Variants in DAPK2 observed in about 807,000 individuals in gnomAD.
DAPK2 encodes the protein death-associated protein kinase 2.
DAPK2 carries 35 observed loss-of-function variants against 44.1 expected under a neutral mutation model. The observed-to-expected ratio is 0.79, with a 90% CI of 0.61 to 1.05. The LOEUF (loss-of-function observed/expected upper bound fraction) is 1.05. Ranked by LOEUF, DAPK2 falls within the 50% of genes least tolerant of loss-of-function variation. The pLI is 0.00. For synonymous variants in DAPK2, 174 were observed against 182.6 expected (o/e 0.95, Z 0.38); for missense variants, 453 against 483.2 (o/e 0.94, Z 0.59).
chr15:63,921,566 C>T (rs1482801780), intron 8 of DAPK2: 1 of 152,206 alleles, frequency 6.6e-6, no homozygotes, highest in African/African-American at 2.4e-5. Context: ...GAGATGAGAT[C>T]TTATAATCCT....
At chr15:63,985,349 C>T (rs1053657372) in intron 1 of DAPK2, among the ~76,000 whole-genome samples, 2 of 152,250 alleles carry the variant, frequency 1.3e-5, no homozygotes, top group Admixed American at 1.3e-4. Context: ...AGAGTGAACA[C>T]ATTCAGTGTG....
At chr15:63,951,362 A>T (rs2093324330) in intron 3 of DAPK2, among the ~76,000 whole-genome samples, 1 of 152,212 alleles carries the variant, frequency 6.6e-6, no homozygotes, top group Non-Finnish European at 1.5e-5. Context: ...CTGGTGATCC[A>T]TCCCGTGGAA....
chr15:64,040,220 G>A (rs908612038), exon 1 of DAPK2: 1 of 1,613,844 alleles, frequency 6.2e-7, no homozygotes, highest in African/African-American at 1.3e-5. Context: ...TCTGCTGCTT[G>A]AATGGCTCCA....
At chr15:64,016,089 C>A (rs1595894206) in intron 1 of DAPK2, among the ~76,000 whole-genome samples, 3 of 152,292 alleles carry the variant, frequency 2.0e-5, no homozygotes, top group Middle Eastern at 6.8e-3. Context: ...GCCCACGCAG[C>A]GCAGGGAGGG....
rs74352459 is a variant in DAPK2 at position 63,946,586 on chromosome 15, A to G, written c.454-7225T>C. 7.6e-3 allele frequency among the ~76,000 whole-genome samples: 1,157 copies of G among 152,348 alleles called. 5 individuals carry two copies. The highest frequency in any genetic ancestry group is 0.013 in the Non-Finnish European group (889 of 68,030). On this transcript the variant is annotated intron_variant, in intron 3 of 10. Coordinates refer to ENST00000261891, the Ensembl canonical transcript of DAPK2. ...GTTTGCTCATTCTTTTCTGGGATGC[A>G]GCATGAACAGTCATCCCTGGGAGCT...
chr15:63,926,634 T>G, intron 6 of DAPK2, among the ~76,000 whole-genome samples: 1 of 151,854 alleles, frequency 6.6e-6, no homozygotes, highest in African/African-American at 2.4e-5. Context: ...CCCAACAGGG[T>G]TTGTCAAGGA....
chr15:63,963,263 G>C (rs920080513), intron 3 of DAPK2, among the ~76,000 whole-genome samples: 19 of 152,104 alleles, frequency 1.2e-4, no homozygotes, highest in Admixed American at 1.2e-3. Flanking sequence ...GCTTCCCTTT[G>C]CTAGGAAAGG....
At chr15:64,006,485 C>T (rs975903887) in intron 1 of DAPK2, among the ~76,000 whole-genome samples, 9 of 152,138 alleles carry the variant, frequency 5.9e-5, no homozygotes, top group South Asian at 2.1e-4. Context: ...CTATATTAGA[C>T]GCTCAAGAGA....
intron 6 of DAPK2, among the ~76,000 whole-genome samples, chr15:63,928,079 C>T (rs1402566035): frequency 6.6e-6 from 1 of 152,164 alleles, no homozygotes; most frequent in Non-Finnish European, 1.5e-5. Flanking sequence ...GTTTCAAGAG[C>T]CAACATCAGA....
At chr15:63,981,715 G>A (rs1250973480) in intron 2 of DAPK2, among the ~76,000 whole-genome samples, 1 of 151,420 alleles carries the variant, frequency 6.6e-6, no homozygotes, top group Non-Finnish European at 1.5e-5. Flanking sequence ...TTTCCAGAAA[G>A]GTGCACTTGT....
At chr15:64,000,204 C>T (rs1422142944) in intron 1 of DAPK2, among the ~76,000 whole-genome samples, 2 of 152,022 alleles carry the variant, frequency 1.3e-5, no homozygotes, top group African/African-American at 4.8e-5. Flanking sequence ...CACACACACA[C>T]ACACACACAC....
intron 3 of DAPK2, among the ~76,000 whole-genome samples, chr15:63,961,046 A>G (rs1461437992): frequency 6.6e-6 from 1 of 152,122 alleles, no homozygotes; most frequent in East Asian, 1.9e-4. Flanking sequence ...TTGGTTGCAT[A>G]TATATTTAGG....
At chr15:63,959,963 G>A (rs1449885433) in intron 3 of DAPK2, among the ~76,000 whole-genome samples, 8 of 152,158 alleles carry the variant, frequency 5.3e-5, no homozygotes, top group Non-Finnish European at 1.0e-4. Context: ...GGTAGAATTC[G>A]GCTGTGAATC....
intron 4 of DAPK2, among the ~76,000 whole-genome samples, chr15:63,938,969 G>A (rs529092753): frequency 6.6e-6 from 1 of 152,230 alleles, no homozygotes; most frequent in South Asian, 2.1e-4. Context: ...CGCTACAAGG[G>A]TTTAACCTTA....
rs368536042 is a variant in DAPK2, at chr15:63,988,372, G to A, written c.93-4618C>T. Among the ~76,000 whole-genome samples the A allele has an allele frequency of 3.0e-4, 46 of 152,270 alleles. 1 individual carries two copies. The East Asian group carries it at 4.2e-3, about 14-fold the overall frequency. On this transcript the variant is annotated intron_variant, in intron 1 of 10. Coordinates refer to ENST00000261891, the Ensembl canonical transcript of DAPK2. ...AACCTCAGCTCTTAAGGTTCATGGA[G>A]GAGCCTGGCTTAATCCCCACCCCCC...
chr15:63,983,166 T>C (rs1409265322), intron 2 of DAPK2, among the ~76,000 whole-genome samples: 1 of 152,108 alleles, frequency 6.6e-6, no homozygotes, highest in Non-Finnish European at 1.5e-5. Flanking sequence ...CAGCCTCCCC[T>C]GGCCCCACCC....
intron 10 of DAPK2, chr15:63,911,226 C>CAAAAAAAAAAAAAA (rs33985538): frequency 4.6e-5 from 6 of 131,040 alleles, no homozygotes; most frequent in South Asian, 2.4e-4. Flanking sequence ...TCTAAACAAA[C>CAAAAAAAAAAAAAA]AAAAAAAAAA....
At chr15:63,924,735 C>T (rs1204140397) in intron 8 of DAPK2, 81 bp downstream of exon 9, 1 of 1,510,454 alleles carries the variant, frequency 6.6e-7, no homozygotes, top group Non-Finnish European at 9.2e-7. Flanking sequence ...TCCATGGGCC[C>T]TCTGCATCTG....
chr15:63,998,262 T>C (rs919250315), intron 1 of DAPK2, among the ~76,000 whole-genome samples: 5 of 152,118 alleles, frequency 3.3e-5, no homozygotes, highest in Admixed American at 6.5e-5. Context: ...ATCACCTCCG[T>C]CCTCAGGGAA....
Sources: gnomAD v4.1 joint callset for allele counts (sites outside exome capture counted in the v4.1 genomes callset) on GRCh38, gnomAD v4.1.1 for gene constraint, MANE v1.5 for transcripts, NCBI Gene and HGNC (gene_info 2026-07-23, HGNC 2026-07-21) for gene names.